Variants in TEX9 observed in about 807,000 individuals in gnomAD.
TEX9 encodes testis-expressed protein 9.
A neutral mutation model predicts 59.6 loss-of-function variants in TEX9; 74 were observed. The ratio of observed to expected loss-of-function variants is 1.24; its 90% CI spans 1.03 to 1.51. The LOEUF (loss-of-function observed/expected upper bound fraction) is 1.51. Ranked by LOEUF, TEX9 falls within the 40% of genes most tolerant of loss-of-function variation. TEX9 has a pLI of 0.00. For synonymous variants in TEX9, 186 were observed against 152.2 expected, an observed-to-expected ratio of 1.22 and a Z score of -1.64; for missense variants, 522 against 447.8, an observed-to-expected ratio of 1.17 and a Z score of -1.49.
intron 1 of TEX9, among the ~76,000 whole-genome samples, chr15:56,349,537 T>G (rs1222173213): frequency 1.3e-5 from 2 of 152,134 alleles, no homozygotes; most frequent in Non-Finnish European, 2.9e-5. Flanking sequence ...CAACCCTCTG[T>G]TGTACCAAAT....
intron 3 of TEX9, chr15:56,374,675 A>T (rs1374666562): frequency 6.6e-6 from 1 of 152,134 alleles, no homozygotes; most frequent in Non-Finnish European, 1.5e-5. Context: ...CCTATTAACC[A>T]TCCTTATCTC....
chr15:56,255,668 G>T (rs2044129345), intron 1 of TEX9, among the ~76,000 whole-genome samples: 1 of 151,986 alleles, frequency 6.6e-6, no homozygotes, highest in Non-Finnish European at 1.5e-5. Flanking sequence ...TCTGTAAGAA[G>T]CTCTACTAAT....
At chr15:56,455,298 G>C in the TEX9 span, among the ~76,000 whole-genome samples, 1 of 148,598 alleles carries the variant, frequency 6.7e-6, no homozygotes, top group Non-Finnish European at 1.5e-5. Flanking sequence ...ATGATGGTTG[G>C]AGAATTAGGG....
intron 1 of TEX9, among the ~76,000 whole-genome samples, chr15:56,244,525 A>T (rs2043792416): frequency 6.6e-6 from 1 of 152,092 alleles, no homozygotes; most frequent in Non-Finnish European, 1.5e-5. Context: ...CTCAACGCGC[A>T]GCAGATTCAT....
intron 1 of TEX9, among the ~76,000 whole-genome samples, chr15:56,302,378 A>C (rs941640172): frequency 1.3e-5 from 2 of 150,668 alleles, no homozygotes; most frequent in African/African-American, 4.9e-5. Context: ...TAAAATAGCT[A>C]TGTGTGCTGG....
At chr15:56,285,772 A>G (rs1450159679) in intron 1 of TEX9, among the ~76,000 whole-genome samples, 1 of 152,214 alleles carries the variant, frequency 6.6e-6, no homozygotes, top group Non-Finnish European at 1.5e-5. Context: ...AATTCTTTAT[A>G]ATGACTACAT....
chr15:56,428,745 T>TTTA (rs879510715), intron 12 of TEX9: 1 of 357,020 alleles, frequency 2.8e-6, no homozygotes, highest in Non-Finnish European at 5.0e-6. Flanking sequence ...ATTCCAAATA[T>TTTA]TTATTTCCCT....
intron 1 of TEX9, among the ~76,000 whole-genome samples, chr15:56,346,055 G>T (rs1397323781): frequency 2.0e-5 from 3 of 152,166 alleles, no homozygotes; most frequent in Admixed American, 1.3e-4. Flanking sequence ...ACAAATTTGG[G>T]AGTACTTAAT....
intron 1 of TEX9, among the ~76,000 whole-genome samples, chr15:56,325,448 A>G (rs2046001397): frequency 6.6e-6 from 1 of 152,088 alleles, no homozygotes; most frequent in Non-Finnish European, 1.5e-5. Context: ...TTAGCAAAAC[A>G]CTTCCTTTTC....
chr15:56,444,582 G>A lies in TEX9; in HGVS notation c.*30-1089G>A, dbSNP rs1382901046. On this transcript the variant is annotated intron_variant, in intron 12 of 12. Coordinates refer to ENST00000352903, the Ensembl canonical transcript of TEX9. ...TAAGTCAAGATAGTACTGTGCTTTC[G>A]CTTTGTTTCGTTTGTCTTCTGCAGC... 39 of 1,611,852 alleles carry A rather than the reference G, an allele frequency of 2.4e-5. No individual in the cohort carries two copies. The highest frequency in any genetic ancestry group is 3.1e-5 in the Non-Finnish European group (36 of 1,179,264).
chr15:56,324,484 T>A (rs563607134), intron 1 of TEX9, among the ~76,000 whole-genome samples: 1 of 152,374 alleles, frequency 6.6e-6, no homozygotes, highest in Non-Finnish European at 1.5e-5. Context: ...ATATTCCTAA[T>A]ATCTTTAATT....
chr15:56,384,979 T>C (rs1010116552), intron 4 of TEX9, among the ~76,000 whole-genome samples: 1 of 152,208 alleles, frequency 6.6e-6, no homozygotes, highest in African/African-American at 2.4e-5. Context: ...AAGAGCTTTA[T>C]GGTTTTAACT....
intron 1 of TEX9, among the ~76,000 whole-genome samples, chr15:56,324,716 G>A (rs12443204): frequency 0.044 from 6,688 of 152,198 alleles, 223 homozygotes; most frequent in Admixed American, 0.086. Context: ...TAGCTACTTA[G>A]GATGGATTTT....
At chr15:56,327,663 G>C (rs1484891246) in intron 1 of TEX9, among the ~76,000 whole-genome samples, 1 of 152,068 alleles carries the variant, frequency 6.6e-6, no homozygotes, top group Non-Finnish European at 1.5e-5. Flanking sequence ...CAGCAGCCTC[G>C]TGGTGCAGAA....
chr15:56,401,731 G>C (rs1198613027), intron 9 of TEX9, among the ~76,000 whole-genome samples: 1 of 152,170 alleles, frequency 6.6e-6, no homozygotes, highest in African/African-American at 2.4e-5. Flanking sequence ...AAAATTGGAA[G>C]TAAAGCACTC....
chr15:56,279,055 T>C (rs894561595), intron 1 of TEX9, among the ~76,000 whole-genome samples: 1 of 152,232 alleles, frequency 6.6e-6, no homozygotes, highest in Non-Finnish European at 1.5e-5. Context: ...ATTGGTTTGA[T>C]ATGACATTTT....
chr15:56,330,414 C>T (rs1276458789), intron 1 of TEX9, among the ~76,000 whole-genome samples: 1 of 152,050 alleles, frequency 6.6e-6, no homozygotes, highest in African/African-American at 2.4e-5. Context: ...GTAAACTACT[C>T]TTATCCTAAG....
chr15:56,303,140 G>A (rs987023731), intron 1 of TEX9, among the ~76,000 whole-genome samples: 2 of 152,098 alleles, frequency 1.3e-5, no homozygotes, highest in Non-Finnish European at 2.9e-5. Flanking sequence ...TTACAGCATT[G>A]GACAGATCAT....
At chr15:56,317,707 A>G (rs2045809224) in intron 1 of TEX9, among the ~76,000 whole-genome samples, 1 of 152,052 alleles carries the variant, frequency 6.6e-6, no homozygotes, top group African/African-American at 2.4e-5. Context: ...CATATATTGT[A>G]CTTTCATTTT....
Sources: gnomAD v4.1 joint callset for allele counts (sites outside exome capture counted in the v4.1 genomes callset) on GRCh38, gnomAD v4.1.1 for gene constraint, MANE v1.5 for transcripts, NCBI Gene and HGNC (gene_info 2026-07-23, HGNC 2026-07-21) for gene names.